Variants in SLC51A observed in about 807,000 individuals in gnomAD.
SLC51A encodes the protein organic solute transporter subunit alpha.
SLC51A carries 22 observed loss-of-function variants against 34.8 expected under a neutral mutation model. The observed-to-expected ratio is 0.63, with a 90% CI of 0.45 to 0.90. The LOEUF (loss-of-function observed/expected upper bound fraction) is 0.90. Among genes scored for constraint, SLC51A ranks in the 40% least tolerant of loss-of-function variants. The probability of loss-of-function intolerance (pLI) is 0.00; values close to 1 mark genes in which losing one functional copy is unlikely to be tolerated. For missense variants in SLC51A, 371 were observed against 414.8 expected (o/e 0.89, Z 0.92); for synonymous variants, 181 against 176.3 (o/e 1.03, Z -0.21).
At chr3:196,219,689 TC>T (rs1164303994) in intron 2 of SLC51A, among the ~76,000 whole-genome samples, 1 of 151,932 alleles carries the variant, frequency 6.6e-6, no homozygotes. Flanking sequence ...ACAGCAGCTG[TC>T]CCCCCAGGGA....
chr3:196,231,811 ATCT>A (rs1220032989), intron 7 of SLC51A, among the ~76,000 whole-genome samples: 4 of 152,140 alleles, frequency 2.6e-5, no homozygotes, highest in African/African-American at 4.8e-5. Context: ...CTGGACAGTG[ATCT>A]TCTTCTTCTC....
intron 2 of SLC51A, among the ~76,000 whole-genome samples, chr3:196,221,642 T>C (rs1477892799): frequency 1.3e-5 from 2 of 152,098 alleles, no homozygotes; most frequent in Non-Finnish European, 2.9e-5. Flanking sequence ...ATAAGTAACC[T>C]GTCTATGGCC....
Position 196,227,693 on chromosome 3 carries a change from C to G in SLC51A, c.318C>G (p.Leu106=). ...TVVSVLCCFG[L]WIPRSLVLVE... Reference sequence around the variant, plus strand: ...TGTCTGTGCTGTGCTGCTTTGGTCTCTGGATCCCTCGTTCCCTGGTGCTGG... The same window carrying G: ...TGTCTGTGCTGTGCTGCTTTGGTCTGTGGATCCCTCGTTCCCTGGTGCTGG... Residue 106 remains leucine (L), a synonymous_variant, in exon 4 of 9, where the codon CTC becomes CTG. Transcript: ENST00000296327. 1.2e-6 allele frequency: 2 copies of G among 1,614,022 alleles called. No homozygotes were observed. Among genetic ancestry groups the G allele is most frequent in the Non-Finnish European group, 1.7e-6 (2 of 1,179,972 alleles).
rs147794664 is a variant in SLC51A at position 196,229,938 on chromosome 3, A to C, written c.657A>C (p.Leu219=). 1 of 1,611,762 alleles carries C rather than the reference A, an allele frequency of 6.2e-7. No homozygotes were observed. Among genetic ancestry groups the C allele is most frequent in the African/African-American group, 1.3e-5 (1 of 74,876 alleles). Residue 219 remains leucine (L), a synonymous_variant, in exon 7 of 9, where the codon CTA becomes CTC. Coordinates refer to ENST00000296327, the MANE Select transcript of SLC51A (RefSeq NM_152672.6). ...AGATTTCTGAGGGGAGCACAGCTCT[A>C]TGGATCAACACTTTCCTTGGCGTGT... The part of the protein sequence containing the change: ...PADISEGSTA[L]WINTFLGVST...
At chr3:196,219,609 GGCT>G (rs1197326201) in intron 2 of SLC51A, among the ~76,000 whole-genome samples, 7 of 152,066 alleles carry the variant, frequency 4.6e-5, no homozygotes, top group Admixed American at 4.6e-4. Flanking sequence ...GGCAGTAGGT[GGCT>G]GCTACATCTA....
At chr3:196,227,944 C>T in intron 4 of SLC51A, 171 bp from the exon 5 acceptor site, 1 of 1,006,264 alleles carries the variant, frequency 9.9e-7, no homozygotes, top group Non-Finnish European at 1.5e-6. Flanking sequence ...TTCCCACAGT[C>T]TGAAATTCCC....
In SLC51A at chr3:196,228,931, A is replaced by G. The variant is rs370221690; in HGVS notation, c.633+11A>G. 27 of 1,589,052 alleles carry G rather than the reference A, an allele frequency of 1.7e-5. No individual in the cohort carries two copies. The African/African-American group carries it at 3.5e-4, about 21-fold the overall frequency. On this transcript the variant is annotated intron_variant, in intron 6 of 8. Transcript: ENST00000296327. This position sits in a 1 kb window ranked among gnomAD's most constrained non-coding sequence, Gnocchi z 4.9. ...TATGACCCAGCAGACGTAAGCCGGG[A>G]GTAAGGGACAGCACAGTCCAAGACT...
At position 196,217,939 on chromosome 3, in the gene SLC51A, G is replaced by C. The variant is rs753181047; in HGVS notation, c.133+3G>C. The C allele has an allele frequency of 3.7e-6, 6 of 1,611,304 alleles. No homozygotes were observed. Among genetic ancestry groups the C allele is most frequent in the Non-Finnish European group, 5.1e-6 (6 of 1,178,770 alleles). The stretch of plus-strand genomic sequence containing the variant: ...CACAGCAGCCCAACTCCTGAGAGGT[G>C]AGTGGGGACCCTCCTCAGAGGGAAC... On this transcript the variant is annotated splice_donor_region_variant and intron_variant, in intron 2 of 8. Transcript: ENST00000296327.
At position 196,228,577 on chromosome 3, in the gene SLC51A, A is replaced by G. The variant is rs1577347669; in HGVS notation, c.522-232A>G. On this transcript the variant is annotated intron_variant, in intron 5 of 8. Coordinates refer to ENST00000296327, the MANE Select transcript of SLC51A (RefSeq NM_152672.6). The surrounding 1 kb of genome is among the most constrained non-coding windows in gnomAD (Gnocchi z 4.9). ...CTTTGGTGAATGAGGTTGAGGTCAC[A>G]CTCCCAGACCTCGCTCCAAAGACGG... 4 of 604,112 alleles carry G rather than the reference A, an allele frequency of 6.6e-6. No homozygotes were observed. Among genetic ancestry groups the G allele is most frequent in the African/African-American group, 5.6e-5 (3 of 53,896 alleles). 37.4% of individuals were successfully genotyped at this position (604,112 alleles called of 1,614,324 possible).
Position 196,227,991 on chromosome 3 carries a change from C to T in SLC51A, c.363-124C>T, listed in dbSNP as rs1723938881. ...CCTGTGGGCCGTCTCCTCTCCCTCGCCCCTCTTGGGTCACACACCCAGAAC... is the reference window on the plus strand; with the variant it reads ...CCTGTGGGCCGTCTCCTCTCCCTCGTCCCTCTTGGGTCACACACCCAGAAC... On this transcript the variant is annotated intron_variant, in intron 4 of 8. Coordinates refer to ENST00000296327, the MANE Select transcript of SLC51A (RefSeq NM_152672.6). 12 of 1,316,954 alleles carry T rather than the reference C, an allele frequency of 9.1e-6. 1 individual carries two copies. Among genetic ancestry groups the T allele is most frequent in the Non-Finnish European group, 1.3e-5 (12 of 949,438 alleles). 81.6% of individuals were successfully genotyped at this position (1,316,954 alleles called of 1,614,324 possible).
At chr3:196,220,199 G>A (rs1723713747) in intron 2 of SLC51A, among the ~76,000 whole-genome samples, 1 of 152,258 alleles carries the variant, frequency 6.6e-6, no homozygotes, top group African/African-American at 2.4e-5. Context: ...CCCGCAGCGA[G>A]AAGGAGCTCG....
Position 196,228,617 on chromosome 3 carries a change from G to C in SLC51A, c.522-192G>C. ...TCCAAAGACGGAATTCTTGTCTGGA[G>C]GTGAGTGGGAGACCAAGAGGGTTCC... On this transcript the variant is annotated intron_variant, in intron 5 of 8. Transcript: ENST00000296327. The surrounding 1 kb of genome is among the most constrained non-coding windows in gnomAD (Gnocchi z 4.9). 1.6e-6 allele frequency: 1 copy of C among 614,886 alleles called. No individual in the cohort carries two copies. The highest frequency in any genetic ancestry group is 2.9e-6 in the Non-Finnish European group (1 of 345,168). The allele number at this position is 614,886 out of a possible 1,614,324, so 38.1% of individuals were successfully genotyped here. A position where few individuals can be genotyped will look rare whatever the true frequency, so the allele number is the denominator to read the frequency against.
intron 2 of SLC51A, 107 bp downstream of exon 2, chr3:196,218,043 G>A: frequency 1.0e-6 from 1 of 970,614 alleles, no homozygotes; most frequent in Non-Finnish European, 1.6e-6. Flanking sequence ...CAGCCGGGGA[G>A]AATAACTGGC....
chr3:196,221,762 C>CTGGA (rs1267839801), intron 2 of SLC51A, among the ~76,000 whole-genome samples: 1 of 151,496 alleles, frequency 6.6e-6, no homozygotes, highest in Non-Finnish European at 1.5e-5. Context: ...GTCCCCCAGG[C>CTGGA]TGGAGTGCAG....
In SLC51A at chr3:196,228,353, T is replaced by C. The variant is rs1290601703; in HGVS notation, c.521+80T>C. 1.3e-6 allele frequency: 2 copies of C among 1,503,494 alleles called. No individual in the cohort carries two copies. Among genetic ancestry groups the C allele is most frequent in the Non-Finnish European group, 1.8e-6 (2 of 1,129,918 alleles). The allele number at this position is 1,503,494 out of a possible 1,614,324, so 93.1% of individuals were successfully genotyped here. ...CTGGTCCCCTTCAAGGCTCTGGGAA[T>C]TAGGCGTGAATAGGCCAAAGCCAGT... On this transcript the variant is annotated intron_variant, in intron 5 of 8. Transcript: ENST00000296327. This position sits in a 1 kb window ranked among gnomAD's most constrained non-coding sequence, Gnocchi z 4.9.
At position 196,230,016 on chromosome 3, in the gene SLC51A, A is replaced by T; in HGVS notation, c.735A>T (p.Leu245=). The T allele has an allele frequency of 6.2e-7, 1 of 1,613,894 alleles. No individual in the cohort carries two copies. The highest frequency in any genetic ancestry group is 8.5e-7 in the Non-Finnish European group (1 of 1,179,878). ...TLGIISRQAR[L]HLGEQNMGAK... ...GCATCATTTCCCGTCAAGCCAGGCT[A>T]CACCTGGGTGAGCAGAACATGGGAG... The change falls in exon 7 of 9, where the codon CTA becomes CTT. Residue 245 remains leucine (L), a synonymous_variant. Transcript: ENST00000296327.
intron 2 of SLC51A, 25 bp from the exon 3 acceptor site, chr3:196,226,940 A>C: frequency 6.3e-7 from 1 of 1,596,418 alleles, no homozygotes; most frequent in Non-Finnish European, 8.5e-7. Context: ...CCCGGTCGTC[A>C]GCTCTCTGCC....
intron 4 of SLC51A, 84 bp downstream of exon 4, chr3:196,227,821 G>C: frequency 7.5e-7 from 1 of 1,330,682 alleles, no homozygotes; most frequent in Non-Finnish European, 1.0e-6. Context: ...GATCCCAGCT[G>C]ACCATGTATC....
chr3:196,220,757 C>T (rs1723736071), intron 2 of SLC51A, among the ~76,000 whole-genome samples: 1 of 152,144 alleles, frequency 6.6e-6, no homozygotes. Context: ...AAGACCTAGG[C>T]GTGTAAGTGC....
Sources: gnomAD v4.1 joint callset for allele counts (sites outside exome capture counted in the v4.1 genomes callset) on GRCh38, gnomAD v4.1.1 for gene constraint, Gnocchi (gnomAD v3.1) non-coding constraint, MANE v1.5 for transcripts, NCBI Gene and HGNC (gene_info 2026-07-23, HGNC 2026-07-21) for gene names.